GALNT13: variants seen among roughly 807,000 people sequenced by gnomAD.
GALNT13 encodes UDP-GalNAc:polypeptide N-acetylgalactosaminyltransferase 13.
Under a neutral mutation model 64.2 loss-of-function variants are expected in GALNT13, and 28 were observed. The observed-to-expected ratio is 0.44, with a 90% CI of 0.32 to 0.60. GALNT13 has a LOEUF of 0.60. Ranked by LOEUF, GALNT13 falls within the 20% of genes least tolerant of loss-of-function variation. GALNT13 has a pLI of 0.05. For missense variants in GALNT13, 577 were observed against 669.8 expected, an observed-to-expected ratio of 0.86 and a Z score of 1.53; for synonymous variants, 214 against 224.6, an observed-to-expected ratio of 0.95 and a Z score of 0.42.
the GALNT13 span, among the ~76,000 whole-genome samples, chr2:153,533,723 C>CTTTTTGTTTTTTTTTTTTTTTT: frequency 2.1e-5 from 1 of 48,730 alleles, no homozygotes; most frequent in Non-Finnish European, 3.6e-5. Context: ...TGAGGTTTTT[C>CTTTTTGTTTTTTTTTTTTTTTT]TTTTTTTTTT....
chr2:153,420,264 A>G, the GALNT13 span, among the ~76,000 whole-genome samples: 1 of 152,096 alleles, frequency 6.6e-6, no homozygotes, highest in African/African-American at 2.4e-5. Flanking sequence ...TGTTATATGT[A>G]TTTTTACCAC....
the GALNT13 span, among the ~76,000 whole-genome samples, chr2:153,526,981 C>T: frequency 6.6e-6 from 1 of 151,848 alleles, no homozygotes; most frequent in Admixed American, 6.6e-5. Context: ...TTTGAAAATA[C>T]ACAGTCTGAG....
chr2:153,102,263 T>C, the GALNT13 span, among the ~76,000 whole-genome samples: 1 of 152,042 alleles, frequency 6.6e-6, no homozygotes, highest in Admixed American at 6.6e-5. Flanking sequence ...TGTCTTTAGA[T>C]ATAGAGTGTA....
intron 9 of GALNT13, among the ~76,000 whole-genome samples, chr2:154,313,032 TATTGA>T (rs147133085): frequency 0.021 from 3,163 of 152,018 alleles, 90 homozygotes; most frequent in African/African-American, 0.065. Context: ...ATTACAAAAA[TATTGA>T]ATTGAAGATG....
chr2:154,304,529 T>G (rs962317998), intron 9 of GALNT13, among the ~76,000 whole-genome samples: 1 of 152,236 alleles, frequency 6.6e-6, no homozygotes, highest in Admixed American at 6.5e-5. Context: ...TGTATTATAT[T>G]CATCCATGAT....
At chr2:153,974,937 A>C (rs2105139059) in intron 3 of GALNT13, among the ~76,000 whole-genome samples, 1 of 152,138 alleles carries the variant, frequency 6.6e-6, no homozygotes, top group East Asian at 1.9e-4. Flanking sequence ...TTAAGTGATA[A>C]GTGGGAAACT....
the GALNT13 span, among the ~76,000 whole-genome samples, chr2:153,499,781 C>A: frequency 6.6e-6 from 1 of 152,220 alleles, no homozygotes; most frequent in Non-Finnish European, 1.5e-5. Flanking sequence ...ATCAGAGCAT[C>A]CACCTGGAGC....
the GALNT13 span, among the ~76,000 whole-genome samples, chr2:153,342,438 T>A: frequency 6.6e-6 from 1 of 152,238 alleles, no homozygotes; most frequent in African/African-American, 2.4e-5. Flanking sequence ...AGTTTCCTAA[T>A]GAGCAGTGGT....
chr2:153,639,426 G>C, the GALNT13 span, among the ~76,000 whole-genome samples: 1 of 152,038 alleles, frequency 6.6e-6, no homozygotes, highest in Non-Finnish European at 1.5e-5. Flanking sequence ...ATAGAATATG[G>C]GAAGAGAGGA....
intron 3 of GALNT13, among the ~76,000 whole-genome samples, chr2:153,963,735 G>C (rs56740030): frequency 0.13 from 6,603 of 50,074 alleles, 224 homozygotes; most frequent in East Asian, 0.4. Context: ...CTCTCTCTGT[G>C]TGTGTGTGTG....
At chr2:153,838,920 T>C in the GALNT13 span, among the ~76,000 whole-genome samples, 1 of 151,928 alleles carries the variant, frequency 6.6e-6, no homozygotes, top group South Asian at 2.1e-4. Context: ...ATTAACAGAA[T>C]ATATAATTAC....
intron 4 of GALNT13, among the ~76,000 whole-genome samples, chr2:154,147,383 A>ATG (rs768528061): frequency 6.9e-6 from 1 of 145,414 alleles, no homozygotes; most frequent in Non-Finnish European, 1.5e-5. Context: ...ATGGAATTTT[A>ATG]TATATATATA....
At chr2:153,713,244 A>G in the GALNT13 span, among the ~76,000 whole-genome samples, 20 of 152,250 alleles carry the variant, frequency 1.3e-4, no homozygotes, top group African/African-American at 4.6e-4. Context: ...ACATTATAAC[A>G]CTTCCCTTTG....
chr2:153,586,468 G>C, the GALNT13 span, among the ~76,000 whole-genome samples: 1 of 152,148 alleles, frequency 6.6e-6, no homozygotes, highest in Non-Finnish European at 1.5e-5. Flanking sequence ...ATTATGTAAT[G>C]ATGAAGGGAT....
At chr2:153,214,982 A>G in the GALNT13 span, among the ~76,000 whole-genome samples, 13 of 152,112 alleles carry the variant, frequency 8.5e-5, no homozygotes, top group African/African-American at 2.7e-4. Flanking sequence ...ACACATTAGA[A>G]TGAGTTTGAA....
chr2:153,921,953 T>C (rs1443326895), intron 2 of GALNT13, among the ~76,000 whole-genome samples: 1 of 152,042 alleles, frequency 6.6e-6, no homozygotes, highest in Non-Finnish European at 1.5e-5. Flanking sequence ...ATAATTTAAA[T>C]ACGTTAAAAT....
the GALNT13 span, among the ~76,000 whole-genome samples, chr2:153,077,107 A>C: frequency 6.6e-6 from 1 of 151,928 alleles, no homozygotes; most frequent in African/African-American, 2.4e-5. Context: ...GCCCGCCACC[A>C]CACCTAGCTA....
intron 12 of GALNT13, among the ~76,000 whole-genome samples, chr2:154,449,329 A>T (rs1701753205): frequency 6.6e-6 from 1 of 151,504 alleles, no homozygotes; most frequent in South Asian, 2.1e-4. Context: ...GTCCTAATCT[A>T]AGCAAACTAC....
At chr2:153,734,932 G>C in the GALNT13 span, among the ~76,000 whole-genome samples, 2 of 152,244 alleles carry the variant, frequency 1.3e-5, no homozygotes, top group African/African-American at 4.8e-5. Flanking sequence ...AAAATGTAGA[G>C]CTGTCTTTTC....
Sources: gnomAD v4.1 joint callset for allele counts (sites outside exome capture counted in the v4.1 genomes callset) on GRCh38, gnomAD v4.1.1 for gene constraint, MANE v1.5 for transcripts, NCBI Gene and HGNC (gene_info 2026-07-23, HGNC 2026-07-21) for gene names.